Variants in KLHL24 observed in about 807,000 individuals in gnomAD.
KLHL24 encodes the protein kelch-like protein 24.
KLHL24 carries 29 observed loss-of-function variants against 53.4 expected under a neutral mutation model. That is an observed-to-expected ratio of 0.54 (90% CI 0.40 to 0.74). The LOEUF is 0.74. KLHL24 is among the 30% of genes least tolerant of loss of function. KLHL24 has a pLI of 0.00. For synonymous variants in KLHL24, 222 were observed against 253.7 expected (o/e 0.88, Z 1.19); for missense variants, 504 against 744.0 (o/e 0.68, Z 3.75).
At chr3:183,674,311 C>T (rs28385438) in intron 7 of KLHL24, among the ~76,000 whole-genome samples, 22 of 135,610 alleles carry the variant, frequency 1.6e-4, no homozygotes, top group African/African-American at 2.2e-4. Flanking sequence ...TTCCTTTCTT[C>T]CTTCCTTCCT....
At chr3:183,643,715 C>T (rs1422969911) in intron 2 of KLHL24, among the ~76,000 whole-genome samples, 173 bp downstream of exon 2, 1 of 152,104 alleles carries the variant, frequency 6.6e-6, no homozygotes, top group Non-Finnish European at 1.5e-5. Flanking sequence ...AATATTTACC[C>T]ACTCTTCTGT....
intron 6 of KLHL24, 148 bp downstream of exon 6, chr3:183,671,370 A>C (rs1490477866): frequency 6.8e-6 from 4 of 584,154 alleles, no homozygotes; most frequent in Non-Finnish European, 1.2e-5. Flanking sequence ...AAAACATTGA[A>C]TTCTGGGTTG....
At chr3:183,651,764 G>T (rs954194496) in intron 3 of KLHL24, among the ~76,000 whole-genome samples, 2 of 152,036 alleles carry the variant, frequency 1.3e-5, no homozygotes, top group African/African-American at 4.8e-5. Context: ...GACCAGCCTG[G>T]GCAACATAGC....
Position 183,645,939 on chromosome 3 carries a change from G to A in KLHL24, c.-62+2397G>A, listed in dbSNP as rs192711803. On this transcript the variant is annotated intron_variant, in intron 2 of 7. Coordinates refer to ENST00000242810, the MANE Select transcript of KLHL24 (RefSeq NM_017644.3). ...CTTTTATATGTGTTCATTTAAATAGGCCTTCTCCATGAGCTTCCATTGCCA... is the reference window on the plus strand; with the variant it reads ...CTTTTATATGTGTTCATTTAAATAGACCTTCTCCATGAGCTTCCATTGCCA... 1.8e-3 allele frequency among the ~76,000 whole-genome samples: 272 copies of A among 152,128 alleles called. 2 individuals carry two copies. Among genetic ancestry groups the A allele is most frequent in the South Asian group, 2.1e-3 (10 of 4,816 alleles).
chr3:183,661,695 A>G (rs1719822867), intron 3 of KLHL24, among the ~76,000 whole-genome samples: 1 of 152,198 alleles, frequency 6.6e-6, no homozygotes, highest in Admixed American at 6.5e-5. Flanking sequence ...AACAGATAAC[A>G]TATGTTTATT....
intron 1 of KLHL24, chr3:183,636,557 A>G (rs2108741411): frequency 6.6e-6 from 1 of 152,268 alleles, no homozygotes; most frequent in Non-Finnish European, 1.5e-5. Flanking sequence ...CAGTTTCTTA[A>G]TTTAGTTCCT....
intron 2 of KLHL24, among the ~76,000 whole-genome samples, chr3:183,645,769 G>T (rs1454398098): frequency 6.6e-6 from 1 of 152,156 alleles, no homozygotes. Flanking sequence ...AATCTAGCTT[G>T]TTTGGACCAT....
At position 183,650,027 on chromosome 3, in the gene KLHL24, C is replaced by T. The variant is rs191753150; in HGVS notation, c.-61-269C>T. ...CTCAGCTCTGTAAATGGGGAGGAAA[C>T]GGAAGGTTATTAGTAACTCACGAAG... is the stretch of plus-strand genomic sequence containing the variant. On this transcript the variant is annotated intron_variant, in intron 2 of 7. Coordinates refer to ENST00000242810, the MANE Select transcript of KLHL24 (RefSeq NM_017644.3). This position sits in a 1 kb window ranked among gnomAD's most constrained non-coding sequence, Gnocchi z 4.5. Among the ~76,000 whole-genome samples the T allele has an allele frequency of 6.6e-6, 1 of 152,094 alleles. No homozygotes were observed. Among genetic ancestry groups the T allele is most frequent in the Non-Finnish European group, 1.5e-5 (1 of 68,006 alleles).
Position 183,673,936 on chromosome 3 carries a change from G to T in KLHL24, c.1602+1452G>T, listed in dbSNP as rs553300032. 2.0e-5 allele frequency among the ~76,000 whole-genome samples: 3 copies of T among 152,172 alleles called. No individual in the cohort carries two copies. In the East Asian group the frequency reaches 5.8e-4, roughly 29 times the overall value. On this transcript the variant is annotated intron_variant, in intron 7 of 7. Coordinates refer to ENST00000242810, the MANE Select transcript of KLHL24 (RefSeq NM_017644.3). ...GTGTTCCAAACTCAAATTTCTAACT[G>T]CCTATTTGATATTTTATTTGATATT...
rs1221365136 is a variant in KLHL24, at chr3:183,651,344, A to G, written c.920+68A>G. 4.5e-6 allele frequency: 5 copies of G among 1,109,296 alleles called. No homozygotes were observed. In the South Asian group the frequency reaches 4.7e-5, roughly 10 times the overall value. The allele number at this position is 1,109,296 out of a possible 1,614,324, so 68.7% of individuals were successfully genotyped here. On this transcript the variant is annotated intron_variant, in intron 3 of 7. Transcript: ENST00000242810. Reference sequence around the variant, plus strand: ...TATATCTTTAAACCTCCTGAATGCAATCTCAGTGTTGTCATTTATATGCAC... The same window carrying G: ...TATATCTTTAAACCTCCTGAATGCAGTCTCAGTGTTGTCATTTATATGCAC...
In KLHL24 at chr3:183,650,483, T is replaced by C; in HGVS notation, c.127T>C (p.Ser43Pro). 3 of 1,614,178 alleles carry C rather than the reference T, an allele frequency of 1.9e-6. No individual in the cohort carries two copies. Among genetic ancestry groups the C allele is most frequent in the Non-Finnish European group, 2.5e-6 (3 of 1,180,026 alleles). Residue 43 changes from serine (S) to proline (P), a missense_variant, in exon 3 of 8, where the codon TCT (serine) becomes CCT (proline). Physicochemically the swap from Ser to Pro is moderately conservative, Grantham distance 74. Transcript: ENST00000242810. The surrounding 1 kb of genome is among the most constrained non-coding windows in gnomAD (Gnocchi z 4.5). ...GACAGGTCATGAGTTTTTTGACTTC[T>C]CTTCAGGATCATCCCATGCCGAAAA... Reference protein sequence around the residue: ...SLTGHEFFDFSSGSSHAENIL... With the variant: ...SLTGHEFFDFPSGSSHAENIL...
rs561794797 is a variant in KLHL24, at chr3:183,644,113, T to A, written c.-62+571T>A. The A allele has an allele frequency of 5.6e-4, 78 of 139,502 alleles. No individual in the cohort carries two copies. The South Asian group carries it at 5.8e-3, about 10-fold the overall frequency. The allele number at this position is 139,502 out of a possible 1,614,324, so 8.6% of individuals were successfully genotyped here. A position where few individuals can be genotyped will look rare whatever the true frequency, so the allele number is the denominator to read the frequency against. ...TGGAGTGCAATGGTGCGATCTCGGCTCACTGCAACCTCCGCCTCCCGGGTT... is the reference window on the plus strand; with the variant it reads ...TGGAGTGCAATGGTGCGATCTCGGCACACTGCAACCTCCGCCTCCCGGGTT... On this transcript the variant is annotated intron_variant, in intron 2 of 7. Coordinates refer to ENST00000242810, the MANE Select transcript of KLHL24 (RefSeq NM_017644.3).
rs138664031 is a variant in KLHL24 at position 183,672,440 on chromosome 3, G to C, written c.1558G>C (p.Val520Leu). 272 of 1,612,768 alleles carry C rather than the reference G, an allele frequency of 1.7e-4. 1 individual carries two copies. The highest frequency in any genetic ancestry group is 2.1e-4 in the Non-Finnish European group (251 of 1,179,430). Residue 520 changes from valine (V) to leucine (L), a missense_variant, in exon 7 of 8, where the codon GTT becomes CTT. By Grantham distance (32) the Val-to-Leu change is conservative. Transcript: ENST00000242810. ...CAAGGCAATATACTGTTACGATCCA[G>C]TTGAAGATTACTGGATGCACGTACA... Reference protein sequence around the residue: ...LTKAIYCYDPVEDYWMHVQNT... With the variant: ...LTKAIYCYDPLEDYWMHVQNT...
At chr3:183,676,662 AT>A (rs2108897829) in intron 7 of KLHL24, among the ~76,000 whole-genome samples, 1 of 152,300 alleles carries the variant, frequency 6.6e-6, no homozygotes, top group Admixed American at 6.5e-5. Context: ...ACTTTGCATA[AT>A]TCCTAAAAAC....
chr3:183,655,648 G>A (rs981997456), intron 3 of KLHL24, among the ~76,000 whole-genome samples: 1 of 152,016 alleles, frequency 6.6e-6, no homozygotes, highest in Non-Finnish European at 1.5e-5. Context: ...CTACTGGCCA[G>A]GTGCAGTGTC....
At position 183,650,790 on chromosome 3, in the gene KLHL24, T is replaced by G; in HGVS notation, c.434T>G (p.Leu145Arg). Residue 145 changes from leucine (L) to arginine (R), a missense_variant, in exon 3 of 8, where the codon CTC becomes CGC. Transcript: ENST00000242810. The surrounding 1 kb of genome is among the most constrained non-coding windows in gnomAD (Gnocchi z 4.5). ...NVQYLFETSS[L>R]FQISVLRDAC... ...CAGTATCTCTTTGAGACATCAAGCC[T>G]CTTTCAGATTAGTGTTCTCCGTGAT... 6.2e-7 allele frequency: 1 copy of G among 1,614,050 alleles called. No individual in the cohort carries two copies. Among genetic ancestry groups the G allele is most frequent in the Non-Finnish European group, 8.5e-7 (1 of 1,179,950 alleles).
At chr3:183,647,234 G>A (rs28824197) in intron 2 of KLHL24, among the ~76,000 whole-genome samples, 50,467 of 150,740 alleles carry the variant, frequency 0.33, 9,275 homozygotes, top group African/African-American at 0.49. Flanking sequence ...TGCCCAACAT[G>A]GTGAAACGTC....
chr3:183,647,146 C>T (rs933186003), intron 2 of KLHL24, among the ~76,000 whole-genome samples: 2 of 150,072 alleles, frequency 1.3e-5, no homozygotes, highest in Non-Finnish European at 1.5e-5. Context: ...AAAAGCTGGG[C>T]GCAGTGGCTT....
intron 4 of KLHL24, 28 bp from the exon 5 acceptor site, chr3:183,664,893 T>A: frequency 7.6e-7 from 1 of 1,310,952 alleles, no homozygotes; most frequent in Non-Finnish European, 1.1e-6. Flanking sequence ...TGATAAATTA[T>A]CGTGTGTGCA....
Sources: gnomAD v4.1 joint callset for allele counts (sites outside exome capture counted in the v4.1 genomes callset) on GRCh38, gnomAD v4.1.1 for gene constraint, Gnocchi (gnomAD v3.1) non-coding constraint, MANE v1.5 for transcripts, NCBI Gene and HGNC (gene_info 2026-07-23, HGNC 2026-07-21) for gene names.